Variants in ANKRD33B observed in about 807,000 individuals in gnomAD.
The protein encoded by ANKRD33B is ankyrin repeat domain 33B.
In ANKRD33B, 6 loss-of-function variants were observed where a neutral mutation model predicts 21.5. That is an observed-to-expected ratio of 0.28 (90% CI 0.15 to 0.55). The LOEUF (loss-of-function observed/expected upper bound fraction) is 0.55. Ranked by LOEUF, ANKRD33B falls within the 20% of genes least tolerant of loss-of-function variation. ANKRD33B has a pLI of 0.94. For synonymous variants in ANKRD33B, 347 were observed against 342.4 expected (o/e 1.01, Z -0.15); for missense variants, 698 against 747.2 (o/e 0.93, Z 0.77).
Position 10,652,578 on chromosome 5 carries a change from C to G in ANKRD33B, c.*2465C>G, listed in dbSNP as rs1182756252. The G allele has an allele frequency of 6.4e-6, 1 of 155,360 alleles. No homozygotes were observed. Among genetic ancestry groups the G allele is most frequent in the Non-Finnish European group, 1.4e-5 (1 of 69,330 alleles). 9.6% of individuals were successfully genotyped at this position (155,360 alleles called of 1,614,324 possible). A position where few individuals can be genotyped will look rare whatever the true frequency, so the allele number is the denominator to read the frequency against. ...TCACTTCTACCCCAAGCCTGGGTGT[C>G]TGCTGCCTCCATGTCAAAAATGGAC... On this transcript the variant is annotated 3_prime_UTR_variant, in exon 4 of 4. Transcript: ENST00000296657. This position sits in a 1 kb window ranked among gnomAD's most constrained non-coding sequence, Gnocchi z 4.1.
At chr5:10,642,729 T>C (rs188885048) in intron 3 of ANKRD33B, among the ~76,000 whole-genome samples, 43 of 152,314 alleles carry the variant, frequency 2.8e-4, no homozygotes, top group Admixed American at 2.8e-3. Flanking sequence ...TGATTATTGG[T>C]GAGTTTATGT....
intron 1 of ANKRD33B, among the ~76,000 whole-genome samples, chr5:10,617,641 T>C (rs1429686865): frequency 6.6e-6 from 1 of 151,702 alleles, no homozygotes; most frequent in African/African-American, 2.4e-5. Flanking sequence ...TGCAGATGAT[T>C]GGCAGCCGAT....
rs1192783586 is a variant in ANKRD33B at position 10,655,498 on chromosome 5, G to C, written c.*5385G>C. 1 of 152,346 alleles carries C rather than the reference G, an allele frequency of 6.6e-6. No individual in the cohort carries two copies. Among genetic ancestry groups the C allele is most frequent in the Non-Finnish European group, 1.5e-5 (1 of 68,070 alleles). The allele number at this position is 152,346 out of a possible 1,614,324, so 9.4% of individuals were successfully genotyped here. On this transcript the variant is annotated 3_prime_UTR_variant, in exon 4 of 4. Transcript: ENST00000296657. The stretch of plus-strand genomic sequence containing the variant: ...GTTCATCCTTACCCTGGGGACTCAA[G>C]TGTGCTCTGCGGAGTGAGTCACAGC...
chr5:10,642,744 A>C (rs1198632853), intron 3 of ANKRD33B, among the ~76,000 whole-genome samples: 1 of 152,190 alleles, frequency 6.6e-6, no homozygotes, highest in Non-Finnish European at 1.5e-5. Context: ...TTATGTGTTC[A>C]ATAGTTATCT....
chr5:10,622,055 G>C (rs1267547659), intron 2 of ANKRD33B, among the ~76,000 whole-genome samples: 1 of 152,216 alleles, frequency 6.6e-6, no homozygotes, highest in Admixed American at 6.5e-5. Context: ...AATGTCTATT[G>C]TTTAAGCCAC....
chr5:10,635,412 C>G lies in ANKRD33B; in HGVS notation c.497-2616C>G, dbSNP rs550351846. ...GGTACCTGACAGCTGGCCTTAGCCC[C>G]TCCCCGCACATAGTAAAGGACGAGG... On this transcript the variant is annotated intron_variant, in intron 2 of 3. Coordinates refer to ENST00000296657, the MANE Select transcript of ANKRD33B (RefSeq NM_001164440.2). Among the ~76,000 whole-genome samples the G allele has an allele frequency of 1.8e-4, 27 of 152,302 alleles. No homozygotes were observed. The South Asian group carries it at 3.7e-3, about 21-fold the overall frequency.
intron 1 of ANKRD33B, among the ~76,000 whole-genome samples, chr5:10,597,304 A>T (rs60367652): frequency 5.9e-5 from 9 of 152,200 alleles, no homozygotes; most frequent in African/African-American, 9.7e-5. Context: ...CTCATCTCAC[A>T]TGCAAAGACA....
intron 1 of ANKRD33B, among the ~76,000 whole-genome samples, chr5:10,575,716 G>T (rs1735306185): frequency 6.6e-6 from 1 of 152,162 alleles, no homozygotes; most frequent in South Asian, 2.1e-4. Context: ...ATAAAGGAAG[G>T]CCAGGGAATT....
chr5:10,611,279 C>T (rs1410378858), intron 1 of ANKRD33B, among the ~76,000 whole-genome samples: 1 of 152,152 alleles, frequency 6.6e-6, no homozygotes, highest in East Asian at 1.9e-4. Context: ...CCAATGAAGA[C>T]ATGGGTGTTT....
chr5:10,621,031 T>A (rs954163625), intron 2 of ANKRD33B, among the ~76,000 whole-genome samples: 4 of 152,238 alleles, frequency 2.6e-5, no homozygotes, highest in Admixed American at 1.3e-4. Flanking sequence ...ACTCATTTTT[T>A]AAAAATCTCG....
chr5:10,638,689 G>T (rs560744215), intron 3 of ANKRD33B, among the ~76,000 whole-genome samples: 1 of 152,264 alleles, frequency 6.6e-6, no homozygotes, highest in Admixed American at 6.5e-5. Context: ...ACGTGGAGTT[G>T]CATGGTGACG....
Position 10,564,594 on chromosome 5 carries a change from T to C in ANKRD33B, c.127T>C (p.Phe43Leu), listed in dbSNP as rs1735003419. The change falls in exon 1 of 4, where the codon TTC becomes CTC. Residue 43 changes from phenylalanine to leucine, a missense_variant. By Grantham distance (22) the Phe-to-Leu change is conservative. Transcript: ENST00000296657. Reference sequence around the variant, plus strand: ...CGCTGACTACGAAGAGTTTGAGGACTTCTCGAGTCTGCCAGACACCCGCAG... The same window carrying C: ...CGCTGACTACGAAGAGTTTGAGGACCTCTCGAGTCTGCCAGACACCCGCAG... ...DPADYEEFEDFSSLPDTRSIA... is the reference protein window; with the variant it reads ...DPADYEEFEDLSSLPDTRSIA... 2 of 1,534,656 alleles carry C rather than the reference T, an allele frequency of 1.3e-6. No individual in the cohort carries two copies. The highest frequency in any genetic ancestry group is 2.4e-5 in the East Asian group (1 of 40,894).
In ANKRD33B at chr5:10,619,084, AT is replaced by A. The variant is rs888069600; in HGVS notation, c.496+629del. ...TCCTGCTTTGGAACTGTATCCAGAC[AT>A]TTTTTTGAGGACAGACATGAAACCT... On this transcript the variant is annotated intron_variant, in intron 2 of 3. Coordinates refer to ENST00000296657, the MANE Select transcript of ANKRD33B (RefSeq NM_001164440.2). The surrounding 1 kb of genome is among the most constrained non-coding windows in gnomAD (Gnocchi z 4.5). Among the ~76,000 whole-genome samples the A allele has an allele frequency of 1.3e-5, 2 of 152,078 alleles. No homozygotes were observed. Among genetic ancestry groups the A allele is most frequent in the African/African-American group, 4.8e-5 (2 of 41,382 alleles).
intron 2 of ANKRD33B, among the ~76,000 whole-genome samples, chr5:10,622,169 C>A (rs888530504): frequency 2.0e-5 from 3 of 152,230 alleles, no homozygotes; most frequent in Non-Finnish European, 4.4e-5. Flanking sequence ...ATCAGTTTTA[C>A]AGCTTAACTT....
At chr5:10,596,495 G>A (rs970760692) in intron 1 of ANKRD33B, among the ~76,000 whole-genome samples, 2 of 152,118 alleles carry the variant, frequency 1.3e-5, no homozygotes, top group African/African-American at 4.8e-5. Context: ...CAAAGGACAT[G>A]GTCTTGTTCC....
At chr5:10,649,167 G>T (rs929413930) in intron 3 of ANKRD33B, 99 bp from the exon 4 acceptor site, 11 of 1,436,446 alleles carry the variant, frequency 7.7e-6, no homozygotes, top group Admixed American at 5.2e-5. Context: ...GGCCAGGGGT[G>T]GGGGGTGGGG....
rs954774077 is a variant in ANKRD33B, at chr5:10,649,948, G to C, written c.1320G>C (p.Arg440=). The C allele has an allele frequency of 2.6e-6, 4 of 1,529,872 alleles. No homozygotes were observed. In the African/African-American group the frequency reaches 5.5e-5, roughly 21 times the overall value. The allele number at this position is 1,529,872 out of a possible 1,614,324, so 94.8% of individuals were successfully genotyped here. A position where few individuals can be genotyped will look rare whatever the true frequency, so the allele number is the denominator to read the frequency against. Residue 440 remains arginine (R), a synonymous_variant, in exon 4 of 4, where the codon CGG becomes CGC. Transcript: ENST00000296657. ...CCGCGCCCACCTTCCAGCCCGAGCGGCCGGCGCGGAAGGGCAGCACCAAGG... is the reference window on the plus strand; with the variant it reads ...CCGCGCCCACCTTCCAGCCCGAGCGCCCGGCGCGGAAGGGCAGCACCAAGG... The part of the protein sequence containing the change: ...KAPAPTFQPE[R]PARKGSTKDS...
chr5:10,590,400 C>T (rs71599539), intron 1 of ANKRD33B, among the ~76,000 whole-genome samples: 9,797 of 152,264 alleles, frequency 0.064, 416 homozygotes, highest in Middle Eastern at 0.099. Flanking sequence ...TGGCCTCTTT[C>T]TGGCCTGTCT....
chr5:10,625,075 G>C (rs181412685), intron 2 of ANKRD33B: 2 of 271,598 alleles, frequency 7.4e-6, no homozygotes, highest in Non-Finnish European at 1.5e-5. Context: ...TTGTCAGACA[G>C]ACACAGAGGC....
Sources: gnomAD v4.1 joint callset for allele counts (sites outside exome capture counted in the v4.1 genomes callset) on GRCh38, gnomAD v4.1.1 for gene constraint, Gnocchi (gnomAD v3.1) non-coding constraint, MANE v1.5 for transcripts, NCBI Gene and HGNC (gene_info 2026-07-23, HGNC 2026-07-21) for gene names.